Variants in PDE6D observed in about 807,000 individuals in gnomAD.
The protein encoded by PDE6D is phosphodiesterase 6D.
In PDE6D, 10 loss-of-function variants were observed where a neutral mutation model predicts 21.9. That is an observed-to-expected ratio of 0.46 (90% CI 0.28 to 0.78). PDE6D has a LOEUF of 0.78. PDE6D is among the 30% of genes least tolerant of loss of function. The probability of loss-of-function intolerance (pLI) is 0.12; values close to 1 mark genes in which losing one functional copy is unlikely to be tolerated. For synonymous variants in PDE6D, 59 were observed against 63.5 expected, an observed-to-expected ratio of 0.93 and a Z score of 0.34; for missense variants, 139 against 184.8, an observed-to-expected ratio of 0.75 and a Z score of 1.44.
At chr2:231,750,314 T>C (rs1437090439) in intron 1 of PDE6D, among the ~76,000 whole-genome samples, 1 of 152,170 alleles carries the variant, frequency 6.6e-6, no homozygotes, top group African/African-American at 2.4e-5. Context: ...ACCTACTATG[T>C]ACCGGTATTA....
At chr2:231,779,149 C>T (rs2049081127) in intron 1 of PDE6D, 1 of 152,216 alleles carries the variant, frequency 6.6e-6, no homozygotes, top group Admixed American at 6.5e-5. Flanking sequence ...TGCTCTCATG[C>T]TAACTTTTTG....
Position 231,732,993 on chromosome 2 carries a change from G to A in PDE6D, c.412C>T (p.Leu138Phe). Residue 138 changes from leucine (L) to phenylalanine (F), a missense_variant, in exon 5 of 5, where the codon CTT (leucine) becomes TTT (phenylalanine). Physicochemically the swap from Leu to Phe is conservative, Grantham distance 22. Transcript: ENST00000287600. The part of the protein sequence containing the change: ...IIETKFFDDD[L>F]LVSTSRVRLF... ...CTCACTCTGGATGTGCTTACAAGAAGATCGTCGTCAAAAAACTTTGTTTCT... is the reference window on the plus strand; with the variant it reads ...CTCACTCTGGATGTGCTTACAAGAAAATCGTCGTCAAAAAACTTTGTTTCT... The A allele has an allele frequency of 6.2e-7, 1 of 1,612,440 alleles. No homozygotes were observed. The highest frequency in any genetic ancestry group is 2.2e-5 in the East Asian group (1 of 44,866).
intron 1 of PDE6D, among the ~76,000 whole-genome samples, chr2:231,757,737 T>C (rs1251903499): frequency 6.6e-6 from 1 of 152,220 alleles, no homozygotes; most frequent in Non-Finnish European, 1.5e-5. Flanking sequence ...TCATAATGTA[T>C]TGATATGTGA....
chr2:231,742,418 C>T (rs1354641650), intron 1 of PDE6D, among the ~76,000 whole-genome samples: 4 of 151,984 alleles, frequency 2.6e-5, no homozygotes, highest in Non-Finnish European at 4.4e-5. Flanking sequence ...CCACCTTGCC[C>T]GGCTGACTAT....
rs568153668 is a variant in PDE6D, at chr2:231,781,245, G to C, written c.-131C>G. On this transcript the variant is annotated 5_prime_UTR_variant, in exon 1 of 5. Coordinates refer to ENST00000287600, the MANE Select transcript of PDE6D (RefSeq NM_002601.4). The stretch of plus-strand genomic sequence containing the variant: ...GCTAGCAGCCGCAGCGGCCAGACCA[G>C]GACCGGCCTCTCTCTCCCCTCAGCT... 2 of 789,808 alleles carry C rather than the reference G, an allele frequency of 2.5e-6. No individual in the cohort carries two copies. The highest frequency in any genetic ancestry group is 3.5e-5 in the African/African-American group (2 of 56,952). 48.9% of individuals were successfully genotyped at this position (789,808 alleles called of 1,614,324 possible).
In PDE6D at chr2:231,733,706, CCTTAGT is replaced by C. The variant is rs2048670451; in HGVS notation, c.372-679_372-674del. On this transcript the variant is annotated intron_variant, in intron 4 of 4. Coordinates refer to ENST00000287600, the MANE Select transcript of PDE6D (RefSeq NM_002601.4). The stretch of plus-strand genomic sequence containing the variant: ...ATCTTCCAAGCCGCCCAGCTCTCCC[CCTTAGT>C]CTTTCAGCTCTTGTATTAGCCAGAG... 2.0e-5 allele frequency among the ~76,000 whole-genome samples: 3 copies of C among 152,196 alleles called. No individual in the cohort carries two copies. In the South Asian group the frequency reaches 6.2e-4, roughly 32 times the overall value.
chr2:231,771,929 T>C (rs1381291760), intron 1 of PDE6D, among the ~76,000 whole-genome samples: 1 of 152,230 alleles, frequency 6.6e-6, no homozygotes, highest in Non-Finnish European at 1.5e-5. Flanking sequence ...ATTTGATACA[T>C]ACAAAATTTC....
chr2:231,778,781 TG>T, intron 1 of PDE6D: 1 of 152,370 alleles, frequency 6.6e-6, no homozygotes, highest in East Asian at 1.9e-4. Context: ...TACCTTTTCA[TG>T]GATCTAGGGA....
In PDE6D at chr2:231,742,360, T is replaced by C. The variant is rs532997497; in HGVS notation, c.51-3172A>G. Among the ~76,000 whole-genome samples, 3 of 152,304 alleles carry C rather than the reference T, an allele frequency of 2.0e-5. No individual in the cohort carries two copies. In the South Asian group the frequency reaches 6.2e-4, roughly 32 times the overall value. ...CTGGTCTCAAACTCCCGACCTCAGG[T>C]GATCCGCTTGCCTTGGCCTCCCAAA... On this transcript the variant is annotated intron_variant, in intron 1 of 4. Coordinates refer to ENST00000287600, the MANE Select transcript of PDE6D (RefSeq NM_002601.4).
chr2:231,771,445 T>C (rs955944759), intron 1 of PDE6D, among the ~76,000 whole-genome samples: 15 of 152,196 alleles, frequency 9.9e-5, no homozygotes, highest in African/African-American at 3.1e-4. Context: ...AATTCCTTAG[T>C]CTATAAAGTG....
chr2:231,749,533 C>T (rs1349704999), intron 1 of PDE6D, among the ~76,000 whole-genome samples: 1 of 136,764 alleles, frequency 7.3e-6, no homozygotes, highest in East Asian at 2.1e-4. Context: ...GATGGAGTCT[C>T]ACTCTGTTTT....
At chr2:231,767,948 T>A (rs1177273933) in intron 1 of PDE6D, among the ~76,000 whole-genome samples, 1 of 151,196 alleles carries the variant, frequency 6.6e-6, no homozygotes, top group Non-Finnish European at 1.5e-5. Context: ...TGGGCTCAAG[T>A]GATACTCCTA....
intron 1 of PDE6D, among the ~76,000 whole-genome samples, chr2:231,747,092 T>C (rs918075137): frequency 2.0e-5 from 3 of 152,300 alleles, no homozygotes; most frequent in East Asian, 1.9e-4. Flanking sequence ...CAAACGATGA[T>C]ACTTTTTTTC....
chr2:231,738,056 G>A lies in PDE6D; in HGVS notation c.222C>T (p.Phe74=), dbSNP rs370483161. ...NFSSTEQMEK[F]RLEQKVYFKG... is the part of the protein sequence containing the mutation. ...TGAAGTAAACTTTTTGTTCCAGGCG[G>A]AATTTTTCCATTTGTTCTGTCGAAG... is the stretch of plus-strand genomic sequence containing the variant. The change falls in exon 3 of 5, where the codon TTC becomes TTT. Residue 74 remains phenylalanine, a synonymous_variant. Coordinates refer to ENST00000287600, the MANE Select transcript of PDE6D (RefSeq NM_002601.4). 19 of 1,613,882 alleles carry A rather than the reference G, an allele frequency of 1.2e-5. No individual in the cohort carries two copies. Among genetic ancestry groups the A allele is most frequent in the Non-Finnish European group, 1.6e-5 (19 of 1,179,884 alleles).
chr2:231,780,532 G>A (rs2049103892), intron 1 of PDE6D, among the ~76,000 whole-genome samples: 1 of 152,184 alleles, frequency 6.6e-6, no homozygotes, highest in South Asian at 2.1e-4. Flanking sequence ...CCAGACGGGG[G>A]TGGGGTGCGG....
chr2:231,766,205 A>G (rs913458277), intron 1 of PDE6D, among the ~76,000 whole-genome samples: 2 of 152,238 alleles, frequency 1.3e-5, no homozygotes, highest in Non-Finnish European at 2.9e-5. Context: ...TTGTGCTGGC[A>G]AAGTTACTAT....
At chr2:231,745,305 G>A (rs1182293741) in intron 1 of PDE6D, among the ~76,000 whole-genome samples, 2 of 152,118 alleles carry the variant, frequency 1.3e-5, no homozygotes, top group Non-Finnish European at 2.9e-5. Context: ...GTCATCATCT[G>A]GCTAAAAACA....
At chr2:231,742,287 A>G (rs991918492) in intron 1 of PDE6D, among the ~76,000 whole-genome samples, 1 of 151,900 alleles carries the variant, frequency 6.6e-6, no homozygotes, top group Admixed American at 6.6e-5. Context: ...ATGCCCGGCT[A>G]ATTTTTGTAT....
At chr2:231,775,252 G>A (rs2049046078) in intron 1 of PDE6D, among the ~76,000 whole-genome samples, 1 of 151,740 alleles carries the variant, frequency 6.6e-6, no homozygotes, top group Non-Finnish European at 1.5e-5. Context: ...CCACTTTCAG[G>A]ATATACATAT....
Sources: allele counts gnomAD v4.1 joint callset (sites outside exome capture counted in the v4.1 genomes callset), GRCh38; gene constraint gnomAD v4.1.1; transcripts MANE v1.5; gene names NCBI Gene and HGNC (gene_info 2026-07-23, HGNC 2026-07-21).